Variants in PIK3C2G observed in about 807,000 individuals in gnomAD.
The protein encoded by PIK3C2G is phosphatidylinositol 3-kinase C2 domain-containing subunit gamma.
A neutral mutation model predicts 181.1 loss-of-function variants in PIK3C2G; 168 were observed. That is an observed-to-expected ratio of 0.93 (90% CI 0.82 to 1.05). PIK3C2G has a LOEUF of 1.05. Among genes scored for constraint, PIK3C2G ranks in the 50% least tolerant of loss-of-function variants. The pLI is 0.00. For missense variants in PIK3C2G, 1,869 were observed against 1,732.8 expected, an observed-to-expected ratio of 1.08 and a Z score of -1.40; for synonymous variants, 573 against 592.2, an observed-to-expected ratio of 0.97 and a Z score of 0.47.
chr12:18,437,676 T>C (rs1946519822), intron 18 of PIK3C2G, among the ~76,000 whole-genome samples: 1 of 151,972 alleles, frequency 6.6e-6, no homozygotes, highest in Admixed American at 6.6e-5. Flanking sequence ...TTTACCAAAA[T>C]GGTGGAACTT....
chr12:18,702,538 A>T, the PIK3C2G span, among the ~76,000 whole-genome samples: 1 of 152,096 alleles, frequency 6.6e-6, no homozygotes, highest in Non-Finnish European at 1.5e-5. Flanking sequence ...CTCTTTTGTC[A>T]TCCTCAGGCA....
At chr12:18,673,377 T>C in the PIK3C2G span, among the ~76,000 whole-genome samples, 2 of 152,002 alleles carry the variant, frequency 1.3e-5, no homozygotes, top group Non-Finnish European at 2.9e-5. Flanking sequence ...ATAGAAAAAT[T>C]TGTTGTTATA....
chr12:18,264,337 C>G (rs993405310), intron 1 of PIK3C2G, among the ~76,000 whole-genome samples: 1 of 152,050 alleles, frequency 6.6e-6, no homozygotes, highest in African/African-American at 2.4e-5. Flanking sequence ...GAATTATCCA[C>G]GTATTTACTA....
At chr12:18,415,579 G>A (rs1224406163) in intron 16 of PIK3C2G, among the ~76,000 whole-genome samples, 1 of 152,184 alleles carries the variant, frequency 6.6e-6, no homozygotes, top group African/African-American at 2.4e-5. Context: ...AGAGTTATAT[G>A]TCTTCCACTT....
intron 31 of PIK3C2G, among the ~76,000 whole-genome samples, chr12:18,610,171 A>G (rs781691463): frequency 6.6e-6 from 1 of 152,106 alleles, no homozygotes; most frequent in Non-Finnish European, 1.5e-5. Flanking sequence ...ATTCTGTGTC[A>G]CAGGATAAGT....
chr12:18,315,432 G>A (rs995826730), intron 6 of PIK3C2G, among the ~76,000 whole-genome samples: 7 of 152,084 alleles, frequency 4.6e-5, no homozygotes, highest in Admixed American at 1.3e-4. Context: ...TAGTTCATTG[G>A]AGCATGGGGG....
chr12:18,700,342 T>G, the PIK3C2G span, among the ~76,000 whole-genome samples: 2 of 151,962 alleles, frequency 1.3e-5, no homozygotes, highest in African/African-American at 4.8e-5. Flanking sequence ...CTATTTCTTT[T>G]ACACTTCTTT....
At chr12:18,640,948 TA>T (rs1217759050) in intron 32 of PIK3C2G, among the ~76,000 whole-genome samples, 1 of 152,094 alleles carries the variant, frequency 6.6e-6, no homozygotes, top group Non-Finnish European at 1.5e-5. Flanking sequence ...TTTGAAAAAC[TA>T]AAAAAATAAA....
the PIK3C2G span, among the ~76,000 whole-genome samples, chr12:18,690,292 C>T: frequency 1.5e-4 from 23 of 152,210 alleles, no homozygotes; most frequent in Non-Finnish European, 3.1e-4. Context: ...GGTGCGACCT[C>T]GGCTCACTGC....
chr12:18,524,977 A>C (rs114904480), intron 24 of PIK3C2G, among the ~76,000 whole-genome samples: 1,829 of 152,300 alleles, frequency 0.012, 33 homozygotes, highest in African/African-American at 0.042. Context: ...GCTTTATAAA[A>C]GTTTGTTGCA....
upstream of PIK3C2G, among the ~76,000 whole-genome samples, chr12:18,245,422 T>C (rs1948029717): frequency 6.6e-6 from 1 of 152,064 alleles, no homozygotes; most frequent in South Asian, 2.1e-4. Flanking sequence ...AGATTTCCTT[T>C]GAATATTTTT....
At chr12:18,582,562 A>G (rs909157576) in intron 29 of PIK3C2G, among the ~76,000 whole-genome samples, 1 of 152,138 alleles carries the variant, frequency 6.6e-6, no homozygotes, top group African/African-American at 2.4e-5. Context: ...ACTCCTATAC[A>G]TACACCTAAG....
At chr12:18,335,548 C>G (rs1159500008) in intron 8 of PIK3C2G, among the ~76,000 whole-genome samples, 1 of 152,000 alleles carries the variant, frequency 6.6e-6, no homozygotes, top group Non-Finnish European at 1.5e-5. Context: ...CTTGCATTTC[C>G]TCTGGGAAGC....
At chr12:18,426,072 T>A (rs1945795573) in intron 18 of PIK3C2G, among the ~76,000 whole-genome samples, 2 of 152,334 alleles carry the variant, frequency 1.3e-5, no homozygotes, top group Admixed American at 6.5e-5. Context: ...TTCAACATGA[T>A]GACCTTGAAT....
At chr12:18,668,339 T>G in the PIK3C2G span, among the ~76,000 whole-genome samples, 9 of 152,188 alleles carry the variant, frequency 5.9e-5, no homozygotes, top group Non-Finnish European at 5.9e-5. Context: ...AGAACATATC[T>G]TTGCCACTTT....
chr12:18,554,510 A>G (rs1026156431), intron 26 of PIK3C2G, among the ~76,000 whole-genome samples: 45 of 151,336 alleles, frequency 3.0e-4, no homozygotes, highest in African/African-American at 9.6e-4. Context: ...TGCAACCAAA[A>G]TCATCATGTG....
intron 12 of PIK3C2G, among the ~76,000 whole-genome samples, chr12:18,366,074 C>A (rs2137830448): frequency 6.6e-6 from 1 of 152,294 alleles, no homozygotes; most frequent in East Asian, 1.9e-4. Context: ...CTTTGTAGTT[C>A]TTCTTGCACA....
the PIK3C2G span, among the ~76,000 whole-genome samples, chr12:18,724,378 T>C: frequency 6.6e-6 from 1 of 152,118 alleles, no homozygotes; most frequent in Non-Finnish European, 1.5e-5. Context: ...TTAGAAAAAC[T>C]GGTAGAACTA....
chr12:18,478,059 C>T (rs1191755847), intron 18 of PIK3C2G, among the ~76,000 whole-genome samples: 1 of 151,990 alleles, frequency 6.6e-6, no homozygotes, highest in Non-Finnish European at 1.5e-5. Context: ...GTTAAGGAAA[C>T]TTTATGAAAA....
Sources: allele counts gnomAD v4.1 joint callset (sites outside exome capture counted in the v4.1 genomes callset), GRCh38; gene constraint gnomAD v4.1.1; transcripts MANE v1.5; gene names NCBI Gene and HGNC (gene_info 2026-07-23, HGNC 2026-07-21).